The following DAB1 variants were observed in gnomAD, a reference collection of about 807,000 sequenced individuals.
DAB1 encodes DAB adaptor protein 1.
A neutral mutation model predicts 64.6 loss-of-function variants in DAB1; 15 were observed. The observed-to-expected ratio is 0.23, with a 90% CI of 0.16 to 0.36. The LOEUF is 0.36. DAB1 is among the 10% of genes least tolerant of loss of function. The pLI is 1.00. For synonymous variants in DAB1, 235 were observed against 251.9 expected, an observed-to-expected ratio of 0.93 and a Z score of 0.64; for missense variants, 596 against 706.7, an observed-to-expected ratio of 0.84 and a Z score of 1.78.
rs575655273 is a variant in DAB1 at position 57,222,670 on chromosome 1, A to C, written c.67+68294T>G. Among the ~76,000 whole-genome samples the C allele has an allele frequency of 9.2e-5, 14 of 152,306 alleles. No individual in the cohort carries two copies. In the East Asian group the frequency reaches 2.7e-3, roughly 29 times the overall value. On this transcript the variant is annotated intron_variant, in intron 2 of 14. Transcript: ENST00000371236. ...GAATCTGGACCTGATTCACTACAGT[A>C]CAGGTTCACATACTGTCTTTCTATA...
At chr1:57,099,901 T>C (rs534175398) in intron 4 of DAB1, among the ~76,000 whole-genome samples, 1 of 152,294 alleles carries the variant, frequency 6.6e-6, no homozygotes, top group South Asian at 2.1e-4. Context: ...TGCAGACCTG[T>C]ACCTGCCTTA....
intron 6 of DAB1, among the ~76,000 whole-genome samples, chr1:57,762,269 T>C (rs1649120739): frequency 6.6e-6 from 1 of 151,044 alleles, no homozygotes; most frequent in Non-Finnish European, 1.5e-5. Context: ...CCTGCGTCCC[T>C]TCCAAAATTA....
chr1:58,148,048 G>A (rs112438873), intron 5 of DAB1, among the ~76,000 whole-genome samples: 19 of 150,470 alleles, frequency 1.3e-4, no homozygotes, highest in African/African-American at 4.1e-4. Context: ...GTGACAAATG[G>A]AATTCAAAAT....
intron 9 of DAB1, among the ~76,000 whole-genome samples, chr1:57,038,264 C>T (rs1647275138): frequency 6.6e-6 from 1 of 152,128 alleles, no homozygotes; most frequent in African/African-American, 2.4e-5. Context: ...AAATCAAATT[C>T]AGTTTGCAAA....
At chr1:58,376,205 T>G (rs1437135892) in intron 3 of DAB1, among the ~76,000 whole-genome samples, 2 of 149,318 alleles carry the variant, frequency 1.3e-5, no homozygotes, top group Non-Finnish European at 3.0e-5. Flanking sequence ...TTTAGTTATT[T>G]CTTGCCTTCT....
chr1:58,041,891 C>T (rs1165041856), intron 5 of DAB1, among the ~76,000 whole-genome samples: 2 of 152,240 alleles, frequency 1.3e-5, no homozygotes, highest in East Asian at 1.9e-4. Context: ...ATAGGCCATG[C>T]ATACCTGCTA....
At chr1:57,328,876 C>G (rs527441651) in intron 1 of DAB1, among the ~76,000 whole-genome samples, 1 of 152,266 alleles carries the variant, frequency 6.6e-6, no homozygotes, top group East Asian at 1.9e-4. Context: ...CATTACTTAG[C>G]AAATTACCAG....
At chr1:57,330,951 T>A (rs1043995764) in intron 1 of DAB1, among the ~76,000 whole-genome samples, 1 of 152,116 alleles carries the variant, frequency 6.6e-6, no homozygotes, top group South Asian at 2.1e-4. Context: ...CTAAACAGCA[T>A]CATTTCTCTG....
rs550491894 is a variant in DAB1 at position 57,692,876 on chromosome 1, T to A, written n.552-43211A>T. ...ATAGTACGAGATGCTACCCGGCATT[T>A]ACAGGAAAAGGCTTCTGAAATCAGA... On this transcript the variant is annotated intron_variant and non_coding_transcript_variant, in intron 6 of 20. Coordinates refer to the DAB1 transcript ENST00000485760. Among the ~76,000 whole-genome samples, 6 of 152,236 alleles carry A rather than the reference T, an allele frequency of 3.9e-5. No homozygotes were observed. In the East Asian group the frequency reaches 1.2e-3, roughly 30 times the overall value.
In DAB1 at chr1:57,111,667, G is replaced by A. The variant is rs375982576; in HGVS notation, c.306+24876C>T. Among the ~76,000 whole-genome samples, 63 of 151,982 alleles carry A rather than the reference G, an allele frequency of 4.1e-4. No individual in the cohort carries two copies. The East Asian group carries it at 4.3e-3, about 10-fold the overall frequency. ...CAGTCACTCCCTATCACATTACCCC[G>A]AATTTTTAAAAACTACACAGTACTT... is the stretch of plus-strand genomic sequence containing the variant. On this transcript the variant is annotated intron_variant, in intron 4 of 14. Transcript: ENST00000371236.
At chr1:57,407,767 AGTGTGTGTGTGTGT>A (rs3991224) in intron 1 of DAB1, among the ~76,000 whole-genome samples, 5,069 of 147,012 alleles carry the variant, frequency 0.034, 119 homozygotes, top group Middle Eastern at 0.05. Context: ...AGATATCTGA[AGTGTGTGTGTGTGT>A]GTGTGTGTGT....
At chr1:57,753,495 C>T (rs3118050) in intron 6 of DAB1, among the ~76,000 whole-genome samples, 65,734 of 151,964 alleles carry the variant, frequency 0.43, 15,634 homozygotes, top group African/African-American at 0.64. Context: ...AGGCAAGCTA[C>T]TGAACATTTT....
At chr1:57,523,345 C>T (rs1170919481) in intron 7 of DAB1, among the ~76,000 whole-genome samples, 4 of 152,122 alleles carry the variant, frequency 2.6e-5, no homozygotes, top group Non-Finnish European at 5.9e-5. Context: ...AGTAAAAAAG[C>T]TGACAAGAGT....
At chr1:57,442,876 T>G (rs1686006853) in intron 7 of DAB1, among the ~76,000 whole-genome samples, 1 of 152,192 alleles carries the variant, frequency 6.6e-6, no homozygotes, top group African/African-American at 2.4e-5. Flanking sequence ...TAGGGTCAAA[T>G]TTTTGTAGTA....
At chr1:57,521,503 C>T (rs780804596) in intron 7 of DAB1, among the ~76,000 whole-genome samples, 20 of 151,952 alleles carry the variant, frequency 1.3e-4, no homozygotes, top group Non-Finnish European at 2.6e-4. Flanking sequence ...TATAAGCAAG[C>T]TTTGAAAGAT....
At chr1:58,341,070 T>C (rs890384743) in intron 4 of DAB1, among the ~76,000 whole-genome samples, 7 of 152,182 alleles carry the variant, frequency 4.6e-5, no homozygotes, top group African/African-American at 7.2e-5. Flanking sequence ...CAGCTAATGT[T>C]AGTGTATTAT....
rs114679145 is a variant in DAB1, at chr1:57,043,925, C to T, written c.724-17882G>A. Among the ~76,000 whole-genome samples the T allele has an allele frequency of 4.6e-3, 701 of 152,262 alleles. 9 individuals carry two copies. The highest frequency in any genetic ancestry group is 0.016 in the African/African-American group (664 of 41,538). ...AACCTCCTCACCACTGCCTACAAAA[C>T]CATCCACACTTGGGGTGTCAACTGT... On this transcript the variant is annotated intron_variant, in intron 9 of 14. Coordinates refer to ENST00000371236, the MANE Select transcript of DAB1 (RefSeq NM_001365792.1).
At chr1:58,389,710 ATTG>A (rs1644461218) in intron 3 of DAB1, among the ~76,000 whole-genome samples, 1 of 152,164 alleles carries the variant, frequency 6.6e-6, no homozygotes, top group South Asian at 2.1e-4. Context: ...CAGATTCATT[ATTG>A]TTGTTATTTG....
chr1:58,350,461 A>C (rs1385881938), intron 3 of DAB1, among the ~76,000 whole-genome samples: 1 of 152,104 alleles, frequency 6.6e-6, no homozygotes, highest in East Asian at 1.9e-4. Flanking sequence ...TCTTTAGTTT[A>C]ATTAGATCCC....
Sources: allele counts gnomAD v4.1 joint callset (sites outside exome capture counted in the v4.1 genomes callset), GRCh38; gene constraint gnomAD v4.1.1; transcripts MANE v1.5; gene names NCBI Gene and HGNC (gene_info 2026-07-23, HGNC 2026-07-21).